PARD3B: variants seen among roughly 807,000 people sequenced by gnomAD.
The protein encoded by PARD3B is par-3 family cell polarity regulator beta, also known as partitioning defective 3 homolog B.
Under a neutral mutation model 130.2 loss-of-function variants are expected in PARD3B, and 103 were observed. The ratio of observed to expected loss-of-function variants is 0.79; its 90% CI spans 0.67 to 0.93. PARD3B has a LOEUF of 0.93. PARD3B is among the 40% of genes least tolerant of loss of function. The probability of loss-of-function intolerance (pLI) is 0.00; values close to 1 mark genes in which losing one functional copy is unlikely to be tolerated. For missense variants in PARD3B, 1,609 were observed against 1,499.2 expected (o/e 1.07, Z -1.21); for synonymous variants, 583 against 553.2 (o/e 1.05, Z -0.76).
intron 11 of PARD3B, among the ~76,000 whole-genome samples, chr2:205,165,306 G>C (rs2034744529): frequency 6.6e-6 from 1 of 152,070 alleles, no homozygotes; most frequent in Non-Finnish European, 1.5e-5. Context: ...GAATATTTCT[G>C]ATGGTTTGAA....
chr2:204,932,725 A>C (rs183784638), intron 2 of PARD3B, among the ~76,000 whole-genome samples: 1 of 152,190 alleles, frequency 6.6e-6, no homozygotes, highest in Non-Finnish European at 1.5e-5. Context: ...GGTGAAAATA[A>C]GTATGTTTAT....
intron 3 of PARD3B, among the ~76,000 whole-genome samples, chr2:205,037,188 C>A (rs1698020686): frequency 6.9e-6 from 1 of 144,158 alleles, no homozygotes; most frequent in Non-Finnish European, 1.5e-5. Context: ...ATATATAAAA[C>A]AAATATATAT....
At position 205,158,759 on chromosome 2, in the gene PARD3B, C is replaced by T. The variant is rs150239973; in HGVS notation, c.1472C>T (p.Thr491Ile). 1 of 1,614,164 alleles carries T rather than the reference C, an allele frequency of 6.2e-7. No homozygotes were observed. Among genetic ancestry groups the T allele is most frequent in the Non-Finnish European group, 8.5e-7 (1 of 1,180,004 alleles). ...EPDCCALSLE[T>I]SEQLTFEIPL... is the part of the protein sequence containing the mutation. ...GACTGCTGTGCACTCTCTCTGGAGA[C>T]AAGCGAGCAGCTCACCTTTGAGATC... Residue 491 changes from threonine (T) to isoleucine (I), a missense_variant, in exon 11 of 23, where the codon ACA (threonine) becomes ATA (isoleucine). Transcript: ENST00000406610. The surrounding 1 kb of genome is among the most constrained non-coding windows in gnomAD (Gnocchi z 5.4).
intron 2 of PARD3B, among the ~76,000 whole-genome samples, chr2:204,959,798 G>A (rs1248448701): frequency 6.6e-6 from 1 of 152,150 alleles, no homozygotes; most frequent in Non-Finnish European, 1.5e-5. Flanking sequence ...AGTTAATGAA[G>A]CTAGTGCCTA....
chr2:204,968,889 T>C (rs1691470908), intron 3 of PARD3B, among the ~76,000 whole-genome samples: 1 of 152,264 alleles, frequency 6.6e-6, no homozygotes, highest in Non-Finnish European at 1.5e-5. Flanking sequence ...AGATGAGTTT[T>C]AAATCAAGTG....
intron 2 of PARD3B, among the ~76,000 whole-genome samples, chr2:204,723,005 T>C (rs1054102997): frequency 7.2e-5 from 11 of 152,148 alleles, no homozygotes; most frequent in Non-Finnish European, 1.6e-4. Context: ...ATTGACACTT[T>C]TGTTATCTCT....
At chr2:205,254,229 C>G (rs897101259) in intron 16 of PARD3B, among the ~76,000 whole-genome samples, 3 of 151,356 alleles carry the variant, frequency 2.0e-5, no homozygotes, top group African/African-American at 4.9e-5. Context: ...AAATGGCTGT[C>G]TAGCCATTCT....
intron 18 of PARD3B, among the ~76,000 whole-genome samples, chr2:205,360,268 T>TC (rs2044341383): frequency 6.6e-6 from 1 of 151,916 alleles, no homozygotes; most frequent in Admixed American, 6.6e-5. Flanking sequence ...TTCTTTTGTT[T>TC]TTTTCCTTTT....
At chr2:204,794,750 A>C (rs2042312573) in intron 2 of PARD3B, among the ~76,000 whole-genome samples, 1 of 152,222 alleles carries the variant, frequency 6.6e-6, no homozygotes. Context: ...CACAAAATAC[A>C]TGAAAGTTTA....
chr2:204,572,966 G>T (rs1020056418), intron 1 of PARD3B, among the ~76,000 whole-genome samples: 3 of 152,176 alleles, frequency 2.0e-5, no homozygotes, highest in Non-Finnish European at 2.9e-5. Flanking sequence ...AAGGCCTCCT[G>T]GAAGAGATGA....
rs555101485 is a variant in PARD3B, at chr2:205,567,804, G to A, written c.3260+14401G>A. 3.3e-5 allele frequency among the ~76,000 whole-genome samples: 5 copies of A among 151,562 alleles called. No homozygotes were observed. In the East Asian group the frequency reaches 5.9e-4, roughly 18 times the overall value. ...GAGCAAGTGATTTTATTTGAGAAGCGATCCCAGGAAGCATTGGAAGCGGAG... is the reference window on the plus strand; with the variant it reads ...GAGCAAGTGATTTTATTTGAGAAGCAATCCCAGGAAGCATTGGAAGCGGAG... On this transcript the variant is annotated intron_variant, in intron 22 of 22. Transcript: ENST00000406610.
intron 2 of PARD3B, among the ~76,000 whole-genome samples, chr2:204,946,705 A>T (rs113610411): frequency 6.6e-6 from 1 of 152,192 alleles, no homozygotes; most frequent in South Asian, 2.1e-4. Flanking sequence ...ATTGGCTCAC[A>T]TGATTAGGGA....
Position 204,963,448 on chromosome 2 carries a change from A to T in PARD3B, c.223-1704A>T, listed in dbSNP as rs143255416. On this transcript the variant is annotated intron_variant, in intron 2 of 22. Transcript: ENST00000406610. ...AGAAGAGTAAGATATAACTTAGCTT[A>T]CACTAAACTGTTCATAGTACCAATA... is the stretch of plus-strand genomic sequence containing the variant. 5.0e-3 allele frequency among the ~76,000 whole-genome samples: 756 copies of T among 152,306 alleles called. 6 individuals are homozygous for T. Among genetic ancestry groups the T allele is most frequent in the African/African-American group, 0.017 (712 of 41,572 alleles).
chr2:204,598,143 T>G (rs2033371754), intron 1 of PARD3B, among the ~76,000 whole-genome samples: 1 of 152,200 alleles, frequency 6.6e-6, no homozygotes, highest in South Asian at 2.1e-4. Context: ...GTTTCCATCC[T>G]GAAGTTGCAA....
At chr2:204,840,478 C>T (rs754129025) in intron 2 of PARD3B, among the ~76,000 whole-genome samples, 13 of 151,508 alleles carry the variant, frequency 8.6e-5, no homozygotes, top group Non-Finnish European at 1.8e-4. Context: ...CACTTTAATA[C>T]GAATACATGA....
intron 18 of PARD3B, among the ~76,000 whole-genome samples, chr2:205,385,882 T>G (rs575657186): frequency 2.0e-5 from 3 of 152,160 alleles, no homozygotes; most frequent in African/African-American, 7.2e-5. Context: ...ATTTGACCCA[T>G]GTAGACCTTA....
chr2:204,876,266 C>A (rs2045840375), intron 2 of PARD3B, among the ~76,000 whole-genome samples: 1 of 152,212 alleles, frequency 6.6e-6, no homozygotes, highest in Non-Finnish European at 1.5e-5. Context: ...ATTTCCAGAA[C>A]CCTCTTTCCA....
At chr2:204,653,217 A>G (rs1036447152) in intron 1 of PARD3B, among the ~76,000 whole-genome samples, 6 of 150,664 alleles carry the variant, frequency 4.0e-5, no homozygotes, top group Non-Finnish European at 7.4e-5. Flanking sequence ...TGAAACCCCA[A>G]TGACACCAAT....
rs1241544389 is a variant in PARD3B, at chr2:205,021,573, CTCTCTTCTCTCTCTCT to C, written c.395-25991_395-25976del. Among the ~76,000 whole-genome samples the C allele has an allele frequency of 9.5e-4, 144 of 151,408 alleles. No homozygotes were observed. In the Middle Eastern group the frequency reaches 0.014, roughly 14 times the overall value. On this transcript the variant is annotated intron_variant, in intron 3 of 22. Coordinates refer to ENST00000406610, the MANE Select transcript of PARD3B (RefSeq NM_001302769.2). This position sits in a 1 kb window ranked among gnomAD's most constrained non-coding sequence, Gnocchi z 4.5. ...ATAGCATTTATTGAGCAACTATATG[CTCTCTTCTCTCTCTCT>C]TCTCTTCTCTCTCTCTCTCTCTCTC...
Sources: allele counts gnomAD v4.1 joint callset (sites outside exome capture counted in the v4.1 genomes callset), GRCh38; gene constraint gnomAD v4.1.1; non-coding constraint Gnocchi (gnomAD v3.1); transcripts MANE v1.5; gene names NCBI Gene and HGNC (gene_info 2026-07-23, HGNC 2026-07-21).